Variants in MAPK14 observed in about 807,000 individuals in gnomAD.
MAPK14 encodes the protein mitogen-activated protein kinase 14, also known as CSAID-binding protein.
A neutral mutation model predicts 49.6 loss-of-function variants in MAPK14; 16 were observed. That is an observed-to-expected ratio of 0.32 (90% CI 0.22 to 0.49). The LOEUF is 0.49. Ranked by LOEUF, MAPK14 falls within the 20% of genes least tolerant of loss-of-function variation. The pLI is 0.99. For missense variants in MAPK14, 200 were observed against 441.2 expected (o/e 0.45, Z 4.90); for synonymous variants, 142 against 158.0 (o/e 0.90, Z 0.76).
chr6:36,039,713 T>C (rs909032673), intron 1 of MAPK14, among the ~76,000 whole-genome samples: 2 of 152,080 alleles, frequency 1.3e-5, no homozygotes, highest in African/African-American at 2.4e-5. Context: ...CTTTCGAAAG[T>C]ATCAGTCCAG....
intron 3 of MAPK14, among the ~76,000 whole-genome samples, chr6:36,068,928 T>A (rs1764165326): frequency 6.6e-6 from 1 of 152,174 alleles, no homozygotes; most frequent in African/African-American, 2.4e-5. Context: ...TGATTAAATT[T>A]AAAGAAGACC....
chr6:36,105,834 A>G (rs1765782051), intron 10 of MAPK14, among the ~76,000 whole-genome samples: 1 of 152,184 alleles, frequency 6.6e-6, no homozygotes, highest in East Asian at 1.9e-4. Flanking sequence ...GCAAAGTCTC[A>G]AAAGCCTTTT....
At chr6:36,076,871 A>G (rs948307996) in intron 8 of MAPK14, 1 of 317,566 alleles carries the variant, frequency 3.1e-6, no homozygotes, top group East Asian at 6.1e-5. Context: ...TCCCTTATTA[A>G]TCATCCCACA....
At chr6:36,081,828 A>T (rs908517780) in intron 8 of MAPK14, among the ~76,000 whole-genome samples, 1 of 152,196 alleles carries the variant, frequency 6.6e-6, no homozygotes, top group East Asian at 1.9e-4. Context: ...AGATCACTTT[A>T]AGTGATATTG....
At chr6:36,081,921 AGT>A (rs1446599260) in intron 8 of MAPK14, among the ~76,000 whole-genome samples, 1 of 151,564 alleles carries the variant, frequency 6.6e-6, no homozygotes, top group Non-Finnish European at 1.5e-5. Flanking sequence ...TTTTTTCAGC[AGT>A]GTTTTATAGT....
intron 9 of MAPK14, 117 bp from the exon 10 acceptor site, chr6:36,102,454 C>T: frequency 2.7e-6 from 2 of 737,346 alleles, no homozygotes; most frequent in Non-Finnish European, 4.7e-6. Flanking sequence ...CAGTTAGAAA[C>T]ACTGAAGTTA....
the MAPK14 span, among the ~76,000 whole-genome samples, chr6:36,117,490 A>C: frequency 6.6e-6 from 1 of 152,096 alleles, no homozygotes; most frequent in Admixed American, 6.6e-5. Flanking sequence ...GACCATTCCC[A>C]AGCCTGGATT....
At chr6:36,092,864 G>A (rs2127464222) in intron 8 of MAPK14, among the ~76,000 whole-genome samples, 1 of 152,330 alleles carries the variant, frequency 6.6e-6, no homozygotes, top group South Asian at 2.1e-4. Context: ...TCTGTGGAAG[G>A]TGCTGGGGAC....
At chr6:36,052,864 C>A in intron 2 of MAPK14, 36 bp downstream of exon 2, 1 of 1,562,662 alleles carries the variant, frequency 6.4e-7, no homozygotes, top group Non-Finnish European at 8.7e-7. Context: ...ACATTTTGAT[C>A]TTGAATAGAC....
chr6:36,064,270 G>GAC (rs1562120391), intron 3 of MAPK14, among the ~76,000 whole-genome samples: 1 of 124,758 alleles, frequency 8.0e-6, no homozygotes, highest in African/African-American at 3.0e-5. Flanking sequence ...GAGCCACCAT[G>GAC]CCCCCCCCCA....
At chr6:36,077,544 T>G (rs1423726180) in intron 8 of MAPK14, among the ~76,000 whole-genome samples, 2 of 152,158 alleles carry the variant, frequency 1.3e-5, no homozygotes, top group African/African-American at 4.8e-5. Context: ...GTCAATTCAC[T>G]TGCTTACAGT....
intron 1 of MAPK14, among the ~76,000 whole-genome samples, chr6:36,039,995 C>CA (rs535039133): frequency 0.012 from 948 of 81,484 alleles, 5 homozygotes; most frequent in African/African-American, 0.019. Context: ...GACTCAGTCT[C>CA]AAAAAAAAAA....
chr6:36,048,777 G>A (rs1169303586), intron 1 of MAPK14, among the ~76,000 whole-genome samples: 1 of 152,214 alleles, frequency 6.6e-6, no homozygotes, highest in Non-Finnish European at 1.5e-5. Context: ...TACGCTTCAG[G>A]TGCTTATGTG....
Position 36,059,425 on chromosome 6 carries a change from A to G in MAPK14, c.305+78A>G, listed in dbSNP as rs374913187. 5.0e-5 allele frequency: 51 copies of G among 1,029,620 alleles called. No homozygotes were observed. The East Asian group carries it at 6.4e-4, about 13-fold the overall frequency. 63.8% of individuals were successfully genotyped at this position (1,029,620 alleles called of 1,614,324 possible). On this transcript the variant is annotated intron_variant, in intron 3 of 11. Transcript: ENST00000229794. ...GCCCATTTCTATTCCTGAACCATTT[A>G]GCAACATATAGACTTCAAAAAATTC... is the stretch of plus-strand genomic sequence containing the variant.
At chr6:36,054,947 A>G (rs907820158) in intron 2 of MAPK14, among the ~76,000 whole-genome samples, 10 of 152,214 alleles carry the variant, frequency 6.6e-5, no homozygotes, top group Non-Finnish European at 1.5e-5. Flanking sequence ...GGCACATGTG[A>G]TCTTTTACAC....
intron 1 of MAPK14, among the ~76,000 whole-genome samples, chr6:36,038,447 A>G (rs1762833859): frequency 1.3e-5 from 2 of 152,224 alleles, no homozygotes; most frequent in African/African-American, 4.8e-5. Flanking sequence ...GCCTTTGTAC[A>G]GACTGTGACT....
the MAPK14 span, among the ~76,000 whole-genome samples, chr6:36,123,330 T>C: frequency 0.014 from 2,069 of 152,280 alleles, 40 homozygotes; most frequent in African/African-American, 0.045. Flanking sequence ...AGCCTCATGC[T>C]AGGACCTTGG....
chr6:36,059,025 G>C (rs1307748105), intron 2 of MAPK14, among the ~76,000 whole-genome samples: 1 of 151,990 alleles, frequency 6.6e-6, no homozygotes, highest in African/African-American at 2.4e-5. Flanking sequence ...GAGTAGCTGG[G>C]ATTACAGGCG....
rs1373094635 is a variant in MAPK14, at chr6:36,109,631, TA to T, written c.*1185del. ...GGAACAGGTGGATGTATAGCATTTT[TA>T]TTCATGCCATCTGTTTTCAACCAAC... On this transcript the variant is annotated 3_prime_UTR_variant, in exon 12 of 12. Coordinates refer to ENST00000229794, the MANE Select transcript of MAPK14 (RefSeq NM_139012.3). 6.6e-6 allele frequency: 1 copy of T among 152,670 alleles called. No homozygotes were observed. Among genetic ancestry groups the T allele is most frequent in the Non-Finnish European group, 1.5e-5 (1 of 68,036 alleles). 9.5% of individuals were successfully genotyped at this position (152,670 alleles called of 1,614,324 possible).
Sources: gnomAD v4.1 joint callset for allele counts (sites outside exome capture counted in the v4.1 genomes callset) on GRCh38, gnomAD v4.1.1 for gene constraint, MANE v1.5 for transcripts, NCBI Gene and HGNC (gene_info 2026-07-23, HGNC 2026-07-21) for gene names.